ZCCHC14: variants seen among roughly 807,000 people sequenced by gnomAD.
ZCCHC14 encodes zinc finger CCHC-type containing 14, also known as zinc finger CCHC domain-containing protein 14.
ZCCHC14 carries 16 observed loss-of-function variants against 85.0 expected under a neutral mutation model. The ratio of observed to expected loss-of-function variants is 0.19; its 90% CI spans 0.13 to 0.29. The LOEUF is 0.29. Among genes scored for constraint, ZCCHC14 ranks in the 10% least tolerant of loss-of-function variants. The pLI, the probability that ZCCHC14 is intolerant of heterozygous loss-of-function variation, is 1.00. For missense variants in ZCCHC14, 1,303 were observed against 1,443.5 expected, an observed-to-expected ratio of 0.90 and a Z score of 1.58; for synonymous variants, 775 against 630.7, an observed-to-expected ratio of 1.23 and a Z score of -3.43.
chr16:87,411,089 C>T (rs1280174617), intron 12 of ZCCHC14, among the ~76,000 whole-genome samples: 1 of 152,210 alleles, frequency 6.6e-6, no homozygotes, highest in Non-Finnish European at 1.5e-5. Flanking sequence ...GGTGACAGCC[C>T]CCCACACCCA....
At chr16:87,482,597 C>G (rs1414017311) in intron 1 of ZCCHC14, among the ~76,000 whole-genome samples, 3 of 152,132 alleles carry the variant, frequency 2.0e-5, no homozygotes, top group African/African-American at 7.2e-5. Context: ...AGGTAAGAAA[C>G]AAAACCAAGA....
At chr16:87,478,372 C>CAATAGAAA (rs1302870272) in intron 1 of ZCCHC14, among the ~76,000 whole-genome samples, 2 of 152,038 alleles carry the variant, frequency 1.3e-5, no homozygotes, top group Non-Finnish European at 2.9e-5. Context: ...TGGTGGAAAA[C>CAATAGAAA]AATAGAAAAA....
rs141660685 is a variant in ZCCHC14 at position 87,463,827 on chromosome 16, G to A, written c.571-3696C>T. On this transcript the variant is annotated intron_variant, in intron 1 of 12. Transcript: ENST00000671377. ...GTGACAGAGCAAGACTCCGTCTCAG[G>A]AGAAAAAAAAACAAACAGAGTCTCT... is the stretch of plus-strand genomic sequence containing the variant. Among the ~76,000 whole-genome samples the A allele has an allele frequency of 4.5e-3, 687 of 151,580 alleles. 3 individuals carry two copies. Among genetic ancestry groups the A allele is most frequent in the Middle Eastern group, 0.01 (3 of 294 alleles).
At position 87,492,080 on chromosome 16, in the gene ZCCHC14, G is replaced by A; in HGVS notation, c.159C>T (p.Arg53=). 3 of 1,398,148 alleles carry A rather than the reference G, an allele frequency of 2.1e-6. No homozygotes were observed. The allele number at this position is 1,398,148 out of a possible 1,614,324, so 86.6% of individuals were successfully genotyped here. ...FLGSCLEDLA[R]KDYHSLRDSE... is the part of the protein sequence containing the mutation. Reference sequence around the variant, plus strand: ...AGTCGCGCAGCGAGTGGTAGTCCTTGCGGGCCAGGTCCTCCAGGCACGAGC... The same window carrying A: ...AGTCGCGCAGCGAGTGGTAGTCCTTACGGGCCAGGTCCTCCAGGCACGAGC... The change falls in exon 1 of 13, where the codon CGC becomes CGT. Residue 53 remains arginine (R), a synonymous_variant. Transcript: ENST00000671377. This position sits in a 1 kb window ranked among gnomAD's most constrained non-coding sequence, Gnocchi z 6.7.
At position 87,412,574 on chromosome 16, in the gene ZCCHC14, G is replaced by A. The variant is rs751230705; in HGVS notation, c.2147C>T (p.Ser716Leu). The change falls in exon 12 of 13, where the codon TCG becomes TTG. Residue 716 changes from serine (S) to leucine (L), a missense_variant. Physicochemically the swap from Ser to Leu is moderately radical, Grantham distance 145. This residue lies in a region of ZCCHC14 where 797 missense variants were observed against 730.8 expected (regional missense o/e 1.09). Coordinates refer to ENST00000671377, the MANE Select transcript of ZCCHC14 (RefSeq NM_015144.3). ...TGTGGGTGACATGGAGCTGCTCTCC[G>A]AAAGCCCAGAGAGGACCTGCACAGG... ...HQPVQVLSGL[S>L]ESSSMSPTVS... 38 of 1,614,032 alleles carry A rather than the reference G, an allele frequency of 2.4e-5. No individual in the cohort carries two copies. The East Asian group carries it at 5.6e-4, about 24-fold the overall frequency.
At chr16:87,464,361 C>T (rs956264677) in intron 1 of ZCCHC14, among the ~76,000 whole-genome samples, 9 of 152,228 alleles carry the variant, frequency 5.9e-5, no homozygotes, top group African/African-American at 9.6e-5. Flanking sequence ...CCTGAAGCTT[C>T]TCTGGTGATT....
chr16:87,492,402 C>T lies in ZCCHC14; in HGVS notation c.-164G>A, dbSNP rs1456105380. On this transcript the variant is annotated 5_prime_UTR_variant, in exon 1 of 13. Transcript: ENST00000671377. The surrounding 1 kb of genome is among the most constrained non-coding windows in gnomAD (Gnocchi z 6.7). ...GCCGCGGGCCGGGCGGGCGCCGGGGCGGGGGCGGGGACCGGGGCCGGGCAA... is the reference window on the plus strand; with the variant it reads ...GCCGCGGGCCGGGCGGGCGCCGGGGTGGGGGCGGGGACCGGGGCCGGGCAA... Among the ~76,000 whole-genome samples, 1 of 140,398 alleles carries T rather than the reference C, an allele frequency of 7.1e-6. No individual in the cohort carries two copies. Among genetic ancestry groups the T allele is most frequent in the East Asian group, 2.1e-4 (1 of 4,658 alleles). The allele number at this position is 140,398 out of a possible 152,430, so 92.1% of individuals were successfully genotyped here.
At chr16:87,480,387 A>T (rs1360358420) in intron 1 of ZCCHC14, among the ~76,000 whole-genome samples, 2 of 152,148 alleles carry the variant, frequency 1.3e-5, no homozygotes, top group African/African-American at 4.8e-5. Context: ...TGGGCGACAG[A>T]GCGAGACACT....
intron 1 of ZCCHC14, among the ~76,000 whole-genome samples, chr16:87,489,803 C>G (rs186837828): frequency 1.3e-5 from 2 of 152,202 alleles, no homozygotes; most frequent in Non-Finnish European, 2.9e-5. Flanking sequence ...ATTTAGCTCA[C>G]TGCCCAATCA....
Position 87,488,762 on chromosome 16 carries a change from G to A in ZCCHC14, c.570+2907C>T, listed in dbSNP as rs187057966. Among the ~76,000 whole-genome samples, 864 of 152,220 alleles carry A rather than the reference G, an allele frequency of 5.7e-3. 3 individuals carry two copies. Among genetic ancestry groups the A allele is most frequent in the Non-Finnish European group, 8.7e-3 (591 of 68,006 alleles). ...CTGGCTAATTTTTGTATTTTTTGTA[G>A]AGACAGGGTTTTGCTGTGTTGCCCA... On this transcript the variant is annotated intron_variant, in intron 1 of 12. Transcript: ENST00000671377.
At chr16:87,417,393 T>A in intron 8 of ZCCHC14, 67 bp downstream of exon 8, 1 of 1,561,108 alleles carries the variant, frequency 6.4e-7, no homozygotes, top group Non-Finnish European at 8.7e-7. Context: ...GGAAACTCAA[T>A]GCCCCCAGGG....
rs1908454315 is a variant in ZCCHC14 at position 87,411,772 on chromosome 16, G to A, written c.2949C>T (p.Thr983=). The A allele has an allele frequency of 1.2e-6, 2 of 1,611,626 alleles. No individual in the cohort carries two copies. The highest frequency in any genetic ancestry group is 1.7e-6 in the Non-Finnish European group (2 of 1,178,790). The change falls in exon 12 of 13, where the codon ACC becomes ACT. Residue 983 remains threonine, a synonymous_variant. Coordinates refer to ENST00000671377, the MANE Select transcript of ZCCHC14 (RefSeq NM_015144.3). ...VSAQQYGGGS[T]FPVVHAPYSS... Reference sequence around the variant, plus strand: ...TGTAAGGGGCGTGCACGACGGGGAAGGTGGAGCCGCCGCCGTACTGCTGGG... The same window carrying A: ...TGTAAGGGGCGTGCACGACGGGGAAAGTGGAGCCGCCGCCGTACTGCTGGG...
intron 1 of ZCCHC14, among the ~76,000 whole-genome samples, chr16:87,462,231 T>C (rs780306439): frequency 2.2e-4 from 33 of 152,208 alleles, no homozygotes; most frequent in Non-Finnish European, 4.6e-4. Flanking sequence ...ATTTCTTATA[T>C]TTGTAATTTA....
intron 1 of ZCCHC14, among the ~76,000 whole-genome samples, chr16:87,489,282 T>C (rs550547802): frequency 1.7e-4 from 26 of 152,314 alleles, no homozygotes; most frequent in African/African-American, 5.5e-4. Flanking sequence ...TTACTCCTTA[T>C]AATAATCCTC....
At chr16:87,452,594 G>A (rs1343122736) in intron 2 of ZCCHC14, among the ~76,000 whole-genome samples, 1 of 152,182 alleles carries the variant, frequency 6.6e-6, no homozygotes, top group Non-Finnish European at 1.5e-5. Context: ...GGAAAGCCAG[G>A]CAAGGGTGTT....
intron 12 of ZCCHC14, 23 bp from the exon 13 acceptor site, chr16:87,410,358 G>A (rs1908375787): frequency 3.9e-6 from 3 of 770,264 alleles, no homozygotes; most frequent in South Asian, 2.8e-5. Context: ...GAAAAAAGAG[G>A]TCAAATTTGA....
chr16:87,413,918 A>G (rs190590916), intron 10 of ZCCHC14, among the ~76,000 whole-genome samples: 21 of 152,278 alleles, frequency 1.4e-4, no homozygotes, highest in African/African-American at 4.6e-4. Context: ...TGCCCAAGCA[A>G]CTTCAGGGAG....
intron 1 of ZCCHC14, among the ~76,000 whole-genome samples, chr16:87,477,290 T>C (rs1912064811): frequency 6.6e-6 from 1 of 152,130 alleles, no homozygotes; most frequent in South Asian, 2.1e-4. Context: ...CTGAGGACTA[T>C]CAGTTACACA....
Position 87,413,086 on chromosome 16 carries a change from C to A in ZCCHC14, c.1713G>T (p.Glu571Asp), listed in dbSNP as rs759088374. 7 of 1,614,136 alleles carry A rather than the reference C, an allele frequency of 4.3e-6. No homozygotes were observed. The South Asian group carries it at 7.7e-5, about 18-fold the overall frequency. Residue 571 changes from glutamate (E) to aspartate (D), a missense_variant, in exon 11 of 13, where the codon GAG (glutamate) becomes GAT (aspartate). Coordinates refer to ENST00000671377, the MANE Select transcript of ZCCHC14 (RefSeq NM_015144.3). ...CATTCTCCTCAGCGCTGTCGGAGCT[C>A]TCTTCCCGGGCCTGTACCCCCATGG... Reference protein sequence around the residue: ...SSPMGVQAREESSDSAEENDR... With the variant: ...SSPMGVQAREDSSDSAEENDR...
Sources: allele counts gnomAD v4.1 joint callset (sites outside exome capture counted in the v4.1 genomes callset), GRCh38; gene constraint gnomAD v4.1.1; regional missense constraint gnomAD v4.1.1; non-coding constraint Gnocchi (gnomAD v3.1); transcripts MANE v1.5; gene names NCBI Gene and HGNC (gene_info 2026-07-23, HGNC 2026-07-21).